The following FER variants were observed in gnomAD, a reference collection of about 807,000 sequenced individuals.
FER encodes FER tyrosine kinase, also known as tyrosine-protein kinase Fer.
A neutral mutation model predicts 111.0 loss-of-function variants in FER; 63 were observed. That is an observed-to-expected ratio of 0.57 (90% CI 0.46 to 0.70). The LOEUF (loss-of-function observed/expected upper bound fraction) is 0.70. FER is among the 30% of genes least tolerant of loss of function. FER has a pLI of 0.00. For missense variants in FER, 914 were observed against 954.0 expected (o/e 0.96, Z 0.55); for synonymous variants, 327 against 313.9 (o/e 1.04, Z -0.44).
At chr5:108,839,367 A>G (rs574886169) in intron 5 of FER, among the ~76,000 whole-genome samples, 10 of 152,218 alleles carry the variant, frequency 6.6e-5, no homozygotes, top group Non-Finnish European at 1.0e-4. Context: ...AAAAGGAACC[A>G]AGTTAGTCCA....
At chr5:109,182,994 A>T (rs1172528203) in intron 18 of FER, among the ~76,000 whole-genome samples, 1 of 152,190 alleles carries the variant, frequency 6.6e-6, no homozygotes, top group Non-Finnish European at 1.5e-5. Flanking sequence ...GGCATGAGCC[A>T]TTGCGCCCAG....
chr5:109,049,696 C>G (rs1294050985), intron 16 of FER, among the ~76,000 whole-genome samples: 1 of 151,992 alleles, frequency 6.6e-6, no homozygotes, highest in African/African-American at 2.4e-5. Flanking sequence ...CATGGAATGT[C>G]AAACAAATTA....
chr5:109,149,083 T>C (rs1194068240), intron 17 of FER, among the ~76,000 whole-genome samples: 1 of 127,126 alleles, frequency 7.9e-6, no homozygotes, highest in Non-Finnish European at 1.8e-5. Flanking sequence ...TTTTCTGATA[T>C]ATTAAAAAAA....
intron 1 of FER, among the ~76,000 whole-genome samples, chr5:108,764,031 C>T (rs1414213597): frequency 6.6e-6 from 1 of 152,120 alleles, no homozygotes. Flanking sequence ...ATACCTATTC[C>T]TAAACTACTG....
chr5:108,816,043 C>G (rs1758233459), intron 3 of FER, among the ~76,000 whole-genome samples: 1 of 151,940 alleles, frequency 6.6e-6, no homozygotes, highest in African/African-American at 2.4e-5. Context: ...CCTGTCTTAA[C>G]TAAGTAACTA....
intron 17 of FER, among the ~76,000 whole-genome samples, chr5:109,149,663 T>C (rs1348476640): frequency 6.6e-6 from 1 of 152,142 alleles, no homozygotes; most frequent in East Asian, 1.9e-4. Flanking sequence ...AAAGGATTAC[T>C]TTAAAAAGGA....
intron 5 of FER, among the ~76,000 whole-genome samples, chr5:108,849,014 C>T (rs901465640): frequency 2.0e-5 from 3 of 149,602 alleles, no homozygotes; most frequent in African/African-American, 7.6e-5. Context: ...GAAATCTGCT[C>T]TAATCCTTAT....
At chr5:108,911,959 C>A (rs1000303930) in intron 10 of FER, among the ~76,000 whole-genome samples, 1 of 152,114 alleles carries the variant, frequency 6.6e-6, no homozygotes, top group South Asian at 2.1e-4. Flanking sequence ...ATAATTGAAT[C>A]ACGAGGGCAG....
chr5:108,972,702 AC>A (rs57251115), intron 13 of FER, among the ~76,000 whole-genome samples: 11,888 of 152,162 alleles, frequency 0.078, 1,154 homozygotes, highest in African/African-American at 0.23. Flanking sequence ...AAAAATCTAG[AC>A]ATCTAAGAAG....
intron 18 of FER, among the ~76,000 whole-genome samples, chr5:109,184,702 C>A (rs944356669): frequency 1.3e-5 from 2 of 152,180 alleles, no homozygotes; most frequent in Non-Finnish European, 2.9e-5. Flanking sequence ...GAAAATTAAT[C>A]TTCCACCCAA....
intron 13 of FER, among the ~76,000 whole-genome samples, chr5:108,982,923 G>T (rs1037220938): frequency 4.0e-5 from 6 of 151,452 alleles, no homozygotes; most frequent in Non-Finnish European, 8.8e-5. Context: ...TTACCTCATT[G>T]GTTCTGTTGT....
intron 13 of FER, among the ~76,000 whole-genome samples, chr5:109,002,028 G>A (rs576889763): frequency 0.01 from 1,578 of 151,672 alleles, 22 homozygotes; most frequent in African/African-American, 0.036. Context: ...AATCAATATC[G>A]TGAAAATGGC....
chr5:108,879,701 A>ATATATATATATATATATATATATATAT lies in FER; in HGVS notation c.924-3695_924-3694insTATATATATATATATATATATATATAT, dbSNP rs1554084619. ...ATGTATTTTTTTTAGATTAAAAAAA[A>ATATATATATATATATATATATATATAT]ATATATATATATATATATATATATT... On this transcript the variant is annotated intron_variant, in intron 8 of 19. Transcript: ENST00000281092. 9.1e-4 allele frequency among the ~76,000 whole-genome samples: 90 copies of ATATATATATATATATATATATATATAT among 99,026 alleles called. 3 individuals carry two copies. Among genetic ancestry groups the ATATATATATATATATATATATATATAT allele is most frequent in the African/African-American group, 2.2e-3 (45 of 20,874 alleles). The allele number at this position is 99,026 out of a possible 152,430, so 65.0% of individuals were successfully genotyped here.
At chr5:108,882,810 A>G (rs1765807926) in intron 8 of FER, among the ~76,000 whole-genome samples, 1 of 151,876 alleles carries the variant, frequency 6.6e-6, no homozygotes, top group Non-Finnish European at 1.5e-5. Flanking sequence ...TGCATTTTAT[A>G]CAAACATAAA....
chr5:109,119,694 T>G (rs184293884), intron 17 of FER, among the ~76,000 whole-genome samples: 21 of 152,214 alleles, frequency 1.4e-4, no homozygotes, highest in African/African-American at 5.1e-4. Context: ...TGGGTGCTCC[T>G]GTATTGGGTG....
chr5:108,901,742 A>G (rs566000957), intron 10 of FER, among the ~76,000 whole-genome samples: 36 of 152,296 alleles, frequency 2.4e-4, no homozygotes, highest in Admixed American at 1.1e-3. Flanking sequence ...GCCTGAGTTC[A>G]GGAGTTTGAG....
chr5:109,047,303 T>G (rs1772124393), intron 16 of FER, 105 bp downstream of exon 16: 2 of 642,088 alleles, frequency 3.1e-6, no homozygotes, highest in Non-Finnish European at 5.3e-6. Flanking sequence ...CTCCAAGGAT[T>G]TTGTTTAACA....
intron 13 of FER, among the ~76,000 whole-genome samples, chr5:108,997,856 C>T (rs976267678): frequency 6.6e-6 from 1 of 152,124 alleles, no homozygotes; most frequent in Non-Finnish European, 1.5e-5. Flanking sequence ...GAGGGGCAGT[C>T]TGGCCACAGT....
rs1257556581 is a variant in FER, at chr5:108,946,163, A to G, written c.1270A>G (p.Ile424Val). Residue 424 changes from isoleucine to valine, a missense_variant, in exon 11 of 20, where the codon ATT becomes GTT. Around this residue, in one of 3 missense-constraint regions of FER, gnomAD observed 774 missense variants for 782.6 expected, o/e 0.99. Coordinates refer to ENST00000281092, the MANE Select transcript of FER (RefSeq NM_005246.4). ...GGAGAGGCTATCCAAATTTGAATCT[A>G]TTCGTCATTCAATTGCTGGAATAAT... Reference protein sequence around the residue: ...RKERLSKFESIRHSIAGIIRS... With the variant: ...RKERLSKFESVRHSIAGIIRS... 2 of 1,612,138 alleles carry G rather than the reference A, an allele frequency of 1.2e-6. No individual in the cohort carries two copies. Among genetic ancestry groups the G allele is most frequent in the African/African-American group, 2.7e-5 (2 of 74,836 alleles).
Sources: gnomAD v4.1 joint callset for allele counts (sites outside exome capture counted in the v4.1 genomes callset) on GRCh38, gnomAD v4.1.1 for gene constraint, gnomAD v4.1.1 regional missense constraint, MANE v1.5 for transcripts, NCBI Gene and HGNC (gene_info 2026-07-23, HGNC 2026-07-21) for gene names.